XPO4: variants seen among roughly 807,000 people sequenced by gnomAD.
XPO4 encodes the protein exportin-4.
Under a neutral mutation model 143.0 loss-of-function variants are expected in XPO4, and 39 were observed. The observed-to-expected ratio is 0.27, with a 90% CI of 0.21 to 0.36. The LOEUF (loss-of-function observed/expected upper bound fraction) is 0.36, where lower values mean the gene tolerates loss of function less well. Among genes scored for constraint, XPO4 ranks in the 10% least tolerant of loss-of-function variants. The pLI is 1.00. For missense variants in XPO4, 907 were observed against 1,348.0 expected (o/e 0.67, Z 5.12); for synonymous variants, 439 against 474.0 (o/e 0.93, Z 0.96).
rs1003430018 is a variant in XPO4 at position 20,870,197 on chromosome 13, G to A, written c.70-1496C>T. Among the ~76,000 whole-genome samples, 11 of 151,980 alleles carry A rather than the reference G, an allele frequency of 7.2e-5. No homozygotes were observed. The East Asian group carries it at 2.1e-3, about 29-fold the overall frequency. ...AATTCCAGCACTTTGGAAGGCCGAA[G>A]AGTACAGGTCACCTGGGGTCAGGAG... On this transcript the variant is annotated intron_variant, in intron 1 of 22. Transcript: ENST00000255305.
At chr13:20,832,502 T>C (rs7996019) in intron 6 of XPO4, among the ~76,000 whole-genome samples, 8,977 of 152,248 alleles carry the variant, frequency 0.059, 791 homozygotes, top group African/African-American at 0.19. Context: ...CTTTACAATA[T>C]AGAAAGATCT....
intron 6 of XPO4, 44 bp from the exon 7 acceptor site, chr13:20,827,223 T>A: frequency 8.0e-6 from 11 of 1,376,778 alleles, no homozygotes; most frequent in African/African-American, 1.4e-5. Flanking sequence ...TCTTACTTTG[T>A]CTAAAGTATA....
chr13:20,837,795 C>A (rs1566597284), intron 6 of XPO4, among the ~76,000 whole-genome samples: 1 of 152,134 alleles, frequency 6.6e-6, no homozygotes, highest in Non-Finnish European at 1.5e-5. Context: ...AAGTGGAAAC[C>A]CCTGATAAAA....
At chr13:20,890,815 A>C (rs1024921266) in intron 1 of XPO4, among the ~76,000 whole-genome samples, 3 of 151,040 alleles carry the variant, frequency 2.0e-5, no homozygotes, top group African/African-American at 7.3e-5. Context: ...AAAAAAAAAA[A>C]AAAAGGAGCA....
chr13:20,884,786 G>A (rs1453854595), intron 1 of XPO4, among the ~76,000 whole-genome samples: 7 of 152,176 alleles, frequency 4.6e-5, no homozygotes, highest in Admixed American at 2.6e-4. Context: ...AACGTTTGAA[G>A]CTGCAGTGAA....
At chr13:20,819,654 C>T (rs532210416) in intron 9 of XPO4, among the ~76,000 whole-genome samples, 3 of 150,918 alleles carry the variant, frequency 2.0e-5, no homozygotes, top group African/African-American at 7.3e-5. Context: ...AGCGAGACTC[C>T]ATCTCAAAAA....
At chr13:20,837,923 T>A (rs573947478) in intron 6 of XPO4, among the ~76,000 whole-genome samples, 1 of 152,200 alleles carries the variant, frequency 6.6e-6, no homozygotes, top group South Asian at 2.1e-4. Context: ...GGGAGTACAA[T>A]TCAAGATGAG....
At chr13:20,888,413 T>A (rs553935118) in intron 1 of XPO4, among the ~76,000 whole-genome samples, 10 of 152,290 alleles carry the variant, frequency 6.6e-5, no homozygotes, top group African/African-American at 2.4e-4. Flanking sequence ...TGCAGTGTTG[T>A]AATCATACCT....
intron 1 of XPO4, among the ~76,000 whole-genome samples, chr13:20,875,096 C>T (rs549143574): frequency 1.3e-5 from 2 of 152,200 alleles, no homozygotes; most frequent in East Asian, 1.9e-4. Context: ...AATTAGAAAA[C>T]GATAGATGTA....
chr13:20,886,395 T>C (rs2060461965), intron 1 of XPO4, among the ~76,000 whole-genome samples: 1 of 151,984 alleles, frequency 6.6e-6, no homozygotes, highest in Admixed American at 6.6e-5. Context: ...GTGGATCACT[T>C]GAGGTTGAGA....
intron 3 of XPO4, among the ~76,000 whole-genome samples, chr13:20,856,076 T>C (rs1217180194): frequency 6.6e-6 from 1 of 152,222 alleles, no homozygotes; most frequent in African/African-American, 2.4e-5. Flanking sequence ...CAGTACATAC[T>C]AAGCACTATA....
intron 1 of XPO4, among the ~76,000 whole-genome samples, chr13:20,878,198 G>A (rs777679503): frequency 1.3e-5 from 2 of 152,138 alleles, no homozygotes; most frequent in African/African-American, 4.8e-5. Flanking sequence ...AGTGTTTGGG[G>A]AAGTTTGGGG....
chr13:20,849,741 C>A, intron 4 of XPO4: 1 of 984,974 alleles, frequency 1.0e-6, no homozygotes, highest in African/African-American at 1.7e-5. Flanking sequence ...TGTAGAGAAC[C>A]AAGTCTTTAA....
chr13:20,795,927 C>G lies in XPO4; in HGVS notation c.2797+149G>C, dbSNP rs369835401. ...AAAGGCAAGCAGGAGGGCCACTGGTCCTCACCCTCACTTTGACCACAAAGA... is the reference window on the plus strand; with the variant it reads ...AAAGGCAAGCAGGAGGGCCACTGGTGCTCACCCTCACTTTGACCACAAAGA... On this transcript the variant is annotated intron_variant, in intron 18 of 22. Transcript: ENST00000255305. The G allele has an allele frequency of 1.5e-5, 12 of 804,338 alleles. No homozygotes were observed. The African/African-American group carries it at 1.7e-4, about 12-fold the overall frequency. 49.8% of individuals were successfully genotyped at this position (804,338 alleles called of 1,614,324 possible).
chr13:20,799,462 T>C, intron 15 of XPO4, 123 bp from the exon 16 acceptor site: 1 of 808,416 alleles, frequency 1.2e-6, no homozygotes, highest in Non-Finnish European at 1.8e-6. Context: ...TAAAGCAAAG[T>C]ACAGTAAACT....
In XPO4 at chr13:20,796,168, G is replaced by A; in HGVS notation, c.2705C>T (p.Thr902Ile). The part of the protein sequence containing the change: ...NNLGRQRIDV[T>I]AEEEQYQDLL... ...GTCTTGGTATTGCTCTTCTTCTGCT[G>A]TAACATCTATTCTTTGCCGCCCTAA... The change falls in exon 18 of 23, where the codon ACA becomes ATA. Residue 902 changes from threonine (T) to isoleucine (I), a missense_variant. Physicochemically the swap from Thr to Ile is moderately conservative, Grantham distance 89. Coordinates refer to ENST00000255305, the MANE Select transcript of XPO4 (RefSeq NM_022459.5). 6.2e-7 allele frequency: 1 copy of A among 1,613,468 alleles called. No homozygotes were observed. Among genetic ancestry groups the A allele is most frequent in the Non-Finnish European group, 8.5e-7 (1 of 1,179,884 alleles).
chr13:20,845,054 T>C (rs997652989), intron 4 of XPO4, among the ~76,000 whole-genome samples: 9 of 152,142 alleles, frequency 5.9e-5, no homozygotes, highest in Admixed American at 1.3e-4. Context: ...GCACCTGTAG[T>C]CTCAGCTACT....
At chr13:20,837,126 T>C (rs1326849698) in intron 6 of XPO4, among the ~76,000 whole-genome samples, 1 of 152,206 alleles carries the variant, frequency 6.6e-6, no homozygotes, top group Non-Finnish European at 1.5e-5. Flanking sequence ...CCTATTCATA[T>C]AGTACTGCTC....
chr13:20,892,279 G>T (rs1437631845), intron 1 of XPO4, among the ~76,000 whole-genome samples: 2 of 151,974 alleles, frequency 1.3e-5, no homozygotes, highest in Non-Finnish European at 2.9e-5. Flanking sequence ...GTAGACATGG[G>T]GTTTCACCAT....
Sources: gnomAD v4.1 joint callset for allele counts (sites outside exome capture counted in the v4.1 genomes callset) on GRCh38, gnomAD v4.1.1 for gene constraint, MANE v1.5 for transcripts, NCBI Gene and HGNC (gene_info 2026-07-23, HGNC 2026-07-21) for gene names.